OR9Q1: variants seen among roughly 807,000 people sequenced by gnomAD.
OR9Q1 encodes the protein olfactory receptor 9Q1.
For missense variants in OR9Q1, 374 were observed against 378.8 expected (o/e 0.99, Z 0.11); for synonymous variants, 153 against 148.6 (o/e 1.03, Z -0.22).
intron 2 of OR9Q1, among the ~76,000 whole-genome samples, chr11:58,065,452 A>T (rs1337670749): frequency 6.6e-6 from 1 of 152,100 alleles, no homozygotes; most frequent in Non-Finnish European, 1.5e-5. Context: ...GGGGCAGGTG[A>T]TGTAGGAGTC....
chr11:58,138,408 G>A (rs531675944), intron 2 of OR9Q1, among the ~76,000 whole-genome samples: 60 of 152,170 alleles, frequency 3.9e-4, no homozygotes, highest in Non-Finnish European at 7.8e-4. Context: ...TCTTATTTTA[G>A]TCAGCAAAAA....
At position 58,094,780 on chromosome 11, in the gene OR9Q1, A is replaced by G. The variant is rs761439189; in HGVS notation, c.-15+38833A>G. ...ATGAACAAAATTGCCTTTGATTTCA[A>G]TGAAAAGTCATGGTTCACAGAATGA... On this transcript the variant is annotated intron_variant, in intron 2 of 2. Transcript: ENST00000335397. 4.6e-5 allele frequency among the ~76,000 whole-genome samples: 7 copies of G among 152,260 alleles called. No homozygotes were observed. In the East Asian group the frequency reaches 5.8e-4, roughly 13 times the overall value.
chr11:58,056,180 T>C (rs1853326325), intron 2 of OR9Q1, among the ~76,000 whole-genome samples: 1 of 152,222 alleles, frequency 6.6e-6, no homozygotes, highest in Admixed American at 6.5e-5. Context: ...CTGGTGTAAA[T>C]ACTCCCACTA....
chr11:58,043,857 G>A (rs1206879117), intron 1 of OR9Q1, among the ~76,000 whole-genome samples: 2 of 152,190 alleles, frequency 1.3e-5, no homozygotes, highest in African/African-American at 4.8e-5. Context: ...TGTGCTAGGT[G>A]TAGGGGTCCA....
At chr11:58,048,808 C>T (rs1379759448) in intron 1 of OR9Q1, among the ~76,000 whole-genome samples, 2 of 125,300 alleles carry the variant, frequency 1.6e-5, no homozygotes, top group Non-Finnish European at 3.3e-5. Context: ...TCAGAGAATA[C>T]TACAAACACC....
At chr11:58,045,282 G>C (rs10792131) in intron 1 of OR9Q1, 34,235 of 152,112 alleles carry the variant, frequency 0.23, 5,071 homozygotes, top group East Asian at 0.6. Context: ...ACCCAGGCTG[G>C]AGTTCAGTGG....
At chr11:58,115,037 T>G (rs930091073) in intron 2 of OR9Q1, among the ~76,000 whole-genome samples, 1 of 152,170 alleles carries the variant, frequency 6.6e-6, no homozygotes, top group African/African-American at 2.4e-5. Flanking sequence ...CACCAGGCAT[T>G]CTTCAGTTTA....
Position 58,038,659 on chromosome 11 carries a change from T to C in OR9Q1, c.-93+14555T>C, listed in dbSNP as rs572973387. Among the ~76,000 whole-genome samples the C allele has an allele frequency of 3.1e-4, 47 of 152,338 alleles. 1 individual carries two copies. The highest frequency in any genetic ancestry group is 9.9e-4 in the African/African-American group (41 of 41,590). On this transcript the variant is annotated intron_variant, in intron 1 of 2. Transcript: ENST00000335397. ...TTGGGACTTGGTGAGAATGACTGGA[T>C]CTACACTTTGAAATCAGAACCCTAC...
chr11:58,168,904 G>T (rs1384271243), intron 2 of OR9Q1, among the ~76,000 whole-genome samples: 1 of 151,992 alleles, frequency 6.6e-6, no homozygotes, highest in African/African-American at 2.4e-5. Flanking sequence ...TAAATAGTTT[G>T]CAATTTCAGG....
intron 2 of OR9Q1, among the ~76,000 whole-genome samples, chr11:58,155,675 T>C (rs1261940436): frequency 2.0e-5 from 3 of 152,184 alleles, no homozygotes; most frequent in Non-Finnish European, 4.4e-5. Flanking sequence ...TGTGAGATAT[T>C]GAACAAGTGG....
chr11:58,142,667 G>A (rs1420161394), intron 2 of OR9Q1, among the ~76,000 whole-genome samples: 1 of 152,086 alleles, frequency 6.6e-6, no homozygotes, highest in African/African-American at 2.4e-5. Context: ...AGGACAAGAA[G>A]AATCACCTCT....
In OR9Q1 at chr11:58,180,237, C is replaced by A. The variant is rs2119979885; in HGVS notation, c.793C>A (p.Gln265Lys). 2 of 1,614,134 alleles carry A rather than the reference C, an allele frequency of 1.2e-6. No homozygotes were observed. The highest frequency in any genetic ancestry group is 1.7e-6 in the Non-Finnish European group (2 of 1,180,014). Residue 265 changes from glutamine (Q) to lysine (K), a missense_variant, in exon 3 of 3, where the codon CAG becomes AAG. Transcript: ENST00000335397. ...CATGTACTTGAGAGGTAACTCAGAT[C>A]AGTCTTCGGAGAAGAATCGGGTAGT... The part of the protein sequence containing the change: ...IFMYLRGNSD[Q>K]SSEKNRVVSV...
intron 2 of OR9Q1, among the ~76,000 whole-genome samples, chr11:58,168,250 C>T (rs938149522): frequency 5.9e-5 from 9 of 152,164 alleles, no homozygotes; most frequent in Non-Finnish European, 2.9e-5. Context: ...AGTCCTTTGT[C>T]CTCCTGCAGA....
At chr11:58,168,036 A>G (rs757812448) in intron 2 of OR9Q1, among the ~76,000 whole-genome samples, 3 of 152,210 alleles carry the variant, frequency 2.0e-5, no homozygotes, top group Non-Finnish European at 4.4e-5. Context: ...ACGGCAACCA[A>G]ATAACATTGG....
Position 58,036,187 on chromosome 11 carries a change from C to T in OR9Q1, c.-93+12083C>T, listed in dbSNP as rs139328751. ...AACTGTGCACATATAGGACAGTGAA[C>T]TTAACTGATAAATATGTGTGTTCCG... On this transcript the variant is annotated intron_variant, in intron 1 of 2. Transcript: ENST00000335397. Among the ~76,000 whole-genome samples, 462 of 152,256 alleles carry T rather than the reference C, an allele frequency of 3.0e-3. 3 individuals are homozygous for T. Among genetic ancestry groups the T allele is most frequent in the African/African-American group, 0.011 (440 of 41,538 alleles).
At chr11:58,138,353 C>T (rs1373821581) in intron 2 of OR9Q1, among the ~76,000 whole-genome samples, 2 of 152,102 alleles carry the variant, frequency 1.3e-5, no homozygotes, top group Non-Finnish European at 2.9e-5. Flanking sequence ...AATTTGGAGA[C>T]GTTTATTGAC....
At position 58,025,701 on chromosome 11, in the gene OR9Q1, G is replaced by A. The variant is rs1447931742; in HGVS notation, c.-93+1597G>A. On this transcript the variant is annotated intron_variant, in intron 1 of 2. Transcript: ENST00000335397. ...TGGGTTAGGCATTGCCTCCCATCTA[G>A]GTTGCTTTCATTTGATTTCAGTTAG... Among the ~76,000 whole-genome samples, 4 of 152,192 alleles carry A rather than the reference G, an allele frequency of 2.6e-5. No homozygotes were observed. In the East Asian group the frequency reaches 7.7e-4, roughly 29 times the overall value.
chr11:58,046,030 T>G (rs1853213294), intron 1 of OR9Q1, among the ~76,000 whole-genome samples: 1 of 152,162 alleles, frequency 6.6e-6, no homozygotes, highest in Admixed American at 6.5e-5. Context: ...TCACTCCAAG[T>G]TGGGAGCAAC....
intron 2 of OR9Q1, among the ~76,000 whole-genome samples, chr11:58,127,570 G>A (rs981573868): frequency 6.6e-6 from 1 of 152,164 alleles, no homozygotes; most frequent in African/African-American, 2.4e-5. Flanking sequence ...CTGCCTCCAA[G>A]TGGTGTGACT....
Sources: allele counts gnomAD v4.1 joint callset (sites outside exome capture counted in the v4.1 genomes callset), GRCh38; gene constraint gnomAD v4.1.1; transcripts MANE v1.5; gene names NCBI Gene and HGNC (gene_info 2026-07-23, HGNC 2026-07-21).